The following XXYLT1 variants were observed in gnomAD, a reference collection of about 807,000 sequenced individuals.
XXYLT1 encodes the protein xyloside xylosyltransferase 1.
XXYLT1 carries 20 observed loss-of-function variants against 28.9 expected under a neutral mutation model. That is an observed-to-expected ratio of 0.69 (90% CI 0.49 to 1.00). The LOEUF is 1.00. XXYLT1 is among the 50% of genes least tolerant of loss of function. The pLI, the probability that XXYLT1 is intolerant of heterozygous loss-of-function variation, is 0.00. For synonymous variants in XXYLT1, 257 were observed against 253.8 expected (o/e 1.01, Z -0.12); for missense variants, 542 against 560.1 (o/e 0.97, Z 0.33).
chr3:195,142,750 G>A (rs867547422), intron 3 of XXYLT1, among the ~76,000 whole-genome samples: 1 of 152,356 alleles, frequency 6.6e-6, no homozygotes, highest in Middle Eastern at 3.4e-3. Context: ...TCTTCATGCG[G>A]CCAGCCCGCC....
chr3:195,117,241 A>G (rs1205982208), intron 3 of XXYLT1, among the ~76,000 whole-genome samples: 2 of 152,196 alleles, frequency 1.3e-5, no homozygotes, highest in Admixed American at 6.5e-5. Flanking sequence ...CCATATGTAC[A>G]AATGAGAATG....
At chr3:195,179,848 T>C (rs1721860793) in intron 2 of XXYLT1, among the ~76,000 whole-genome samples, 1 of 152,176 alleles carries the variant, frequency 6.6e-6, no homozygotes, top group Admixed American at 6.5e-5. Context: ...AAGGATTTCC[T>C]AAGTGTGGTG....
At chr3:195,199,154 G>A (rs1052280685) in intron 2 of XXYLT1, among the ~76,000 whole-genome samples, 1 of 151,886 alleles carries the variant, frequency 6.6e-6, no homozygotes, top group Non-Finnish European at 1.5e-5. Flanking sequence ...AATGAGCATG[G>A]CCCGCAGGAG....
chr3:195,237,014 G>A (rs1396010411), intron 1 of XXYLT1, among the ~76,000 whole-genome samples: 3 of 152,162 alleles, frequency 2.0e-5, no homozygotes, highest in Non-Finnish European at 4.4e-5. Context: ...AACAGAAGGA[G>A]GGGGTCTCTT....
chr3:195,237,221 T>C (rs952691946), intron 1 of XXYLT1, among the ~76,000 whole-genome samples: 2 of 152,144 alleles, frequency 1.3e-5, no homozygotes, highest in Non-Finnish European at 1.5e-5. Context: ...CTTTAACCTA[T>C]GGTAACAAGG....
intron 2 of XXYLT1, among the ~76,000 whole-genome samples, chr3:195,222,143 T>C (rs7634880): frequency 0.035 from 5,305 of 152,278 alleles, 323 homozygotes; most frequent in African/African-American, 0.12. Flanking sequence ...CAGGCAAGGA[T>C]GCCAAGTCCT....
intron 3 of XXYLT1, among the ~76,000 whole-genome samples, chr3:195,112,302 A>G (rs1428114814): frequency 6.6e-6 from 1 of 152,160 alleles, no homozygotes; most frequent in Non-Finnish European, 1.5e-5. Context: ...TGGGGTTCGC[A>G]AGCCCCAGAA....
chr3:195,090,923 C>G (rs1179313920), intron 3 of XXYLT1, among the ~76,000 whole-genome samples: 2 of 151,716 alleles, frequency 1.3e-5, no homozygotes, highest in African/African-American at 4.9e-5. Flanking sequence ...ACTAGAAAAC[C>G]TAGAAGAAAT....
At chr3:195,118,114 A>T (rs1394483073) in intron 3 of XXYLT1, among the ~76,000 whole-genome samples, 1 of 151,002 alleles carries the variant, frequency 6.6e-6, no homozygotes, top group Non-Finnish European at 1.5e-5. Flanking sequence ...GCTTTCTCTT[A>T]TCTTAACTAA....
intron 2 of XXYLT1, among the ~76,000 whole-genome samples, chr3:195,220,441 G>A (rs575698971): frequency 1.1e-4 from 17 of 152,278 alleles, no homozygotes; most frequent in Admixed American, 1.0e-3. Flanking sequence ...ACCTCGCCCG[G>A]CCGGGCCCAT....
At chr3:195,109,749 A>AGG (rs1717390776) in intron 3 of XXYLT1, among the ~76,000 whole-genome samples, 1 of 13,308 alleles carries the variant, frequency 7.5e-5, no homozygotes, top group African/African-American at 1.6e-4. Context: ...GTGTTCAGGT[A>AGG]TGTATGTGAG....
intron 3 of XXYLT1, among the ~76,000 whole-genome samples, chr3:195,144,586 C>T (rs1003003908): frequency 6.6e-6 from 1 of 152,086 alleles, no homozygotes; most frequent in Non-Finnish European, 1.5e-5. Context: ...CCACATTGGG[C>T]AGGCTGGTCT....
intron 1 of XXYLT1, chr3:195,259,585 T>A: frequency 1.0e-6 from 1 of 985,400 alleles, no homozygotes; most frequent in South Asian, 4.7e-5. Context: ...GGTACAGGCC[T>A]GGGAAGCCCT....
chr3:195,267,648 A>C (rs1329161843), intron 1 of XXYLT1, among the ~76,000 whole-genome samples: 1 of 152,250 alleles, frequency 6.6e-6, no homozygotes, highest in Non-Finnish European at 1.5e-5. Flanking sequence ...AGAGTCTAGC[A>C]AGGAAGACAA....
intron 3 of XXYLT1, among the ~76,000 whole-genome samples, chr3:195,103,807 T>C (rs1387623994): frequency 6.6e-6 from 1 of 152,164 alleles, no homozygotes; most frequent in Non-Finnish European, 1.5e-5. Context: ...TTTGACCTCA[T>C]GGAATAAAAG....
intron 1 of XXYLT1, among the ~76,000 whole-genome samples, chr3:195,245,595 G>A (rs769867441): frequency 2.0e-5 from 3 of 152,204 alleles, no homozygotes; most frequent in Non-Finnish European, 4.4e-5. Flanking sequence ...TTTGCCTCAC[G>A]TGGGAGTGGG....
chr3:195,158,709 C>G (rs1190277148), intron 2 of XXYLT1, among the ~76,000 whole-genome samples: 2 of 152,264 alleles, frequency 1.3e-5, no homozygotes, highest in African/African-American at 4.8e-5. Flanking sequence ...CCTTTCTATT[C>G]CCGGAGGCCA....
At chr3:195,157,774 G>C (rs189043805) in intron 2 of XXYLT1, among the ~76,000 whole-genome samples, 30 of 152,350 alleles carry the variant, frequency 2.0e-4, no homozygotes, top group Non-Finnish European at 4.0e-4. Flanking sequence ...GTTCAATGAT[G>C]AAGCAGCGAG....
At chr3:195,184,490 C>T in intron 2 of XXYLT1, 1 of 493,080 alleles carries the variant, frequency 2.0e-6, no homozygotes, top group African/African-American at 2.1e-5. Context: ...GATTAAAATC[C>T]CAACTCACCT....
Sources: gnomAD v4.1 joint callset for allele counts (sites outside exome capture counted in the v4.1 genomes callset) on GRCh38, gnomAD v4.1.1 for gene constraint, MANE v1.5 for transcripts, NCBI Gene and HGNC (gene_info 2026-07-23, HGNC 2026-07-21) for gene names.